DAB2IP: variants seen among roughly 807,000 people sequenced by gnomAD.
The protein encoded by DAB2IP is disabled homolog 2-interacting protein.
In DAB2IP, 28 loss-of-function variants were observed where a neutral mutation model predicts 107.2. The ratio of observed to expected loss-of-function variants is 0.26; its 90% CI spans 0.19 to 0.36. The LOEUF (loss-of-function observed/expected upper bound fraction) is 0.36, where lower values mean the gene tolerates loss of function less well. Ranked by LOEUF, DAB2IP falls within the 10% of genes least tolerant of loss-of-function variation. The pLI, the probability that DAB2IP is intolerant of heterozygous loss-of-function variation, is 1.00. For missense variants in DAB2IP, 1,400 were observed against 1,644.7 expected, an observed-to-expected ratio of 0.85 and a Z score of 2.57; for synonymous variants, 755 against 706.4, an observed-to-expected ratio of 1.07 and a Z score of -1.09.
chr9:121,782,385 AC>A lies in DAB2IP; in HGVS notation c.3460del (p.Gln1154SerfsTer2). The A allele has an allele frequency of 6.2e-7, 1 of 1,613,850 alleles. No homozygotes were observed. The highest frequency in any genetic ancestry group is 8.5e-7 in the Non-Finnish European group (1 of 1,179,922). The stretch of plus-strand genomic sequence containing the variant: ...CAATGCCCGCCTCATGAGTGCCCTG[AC>A]CCAGCTGAAAGAGAGGTACAGCATG... On this transcript the variant is annotated frameshift_variant, in exon 16 of 16. Coordinates refer to ENST00000408936, the Ensembl canonical transcript of DAB2IP. LOFTEE classifies it high-confidence loss of function. The surrounding 1 kb of genome is among the most constrained non-coding windows in gnomAD (Gnocchi z 6.1).
At chr9:121,642,017 C>CTT (rs1832349064) in intron 1 of DAB2IP, among the ~76,000 whole-genome samples, 2 of 15,194 alleles carry the variant, frequency 1.3e-4, no homozygotes, top group African/African-American at 2.8e-4. Context: ...CTCTCTCTCT[C>CTT]TCTCTCTCTC....
exon 11 of DAB2IP, chr9:121,770,664 C>G: frequency 6.2e-7 from 1 of 1,614,196 alleles, no homozygotes; most frequent in Non-Finnish European, 8.5e-7. Context: ...ACACCGGGCT[C>G]TGGCAGCAGC....
intron 3 of DAB2IP, among the ~76,000 whole-genome samples, chr9:121,700,891 G>A (rs1399516105): frequency 6.6e-6 from 1 of 152,192 alleles, no homozygotes; most frequent in Non-Finnish European, 1.5e-5. Context: ...TGCCCTGGCA[G>A]GAAGATGCAG....
In DAB2IP at chr9:121,699,498, C is replaced by T. The variant is rs939138801; in HGVS notation, c.362+40C>T. The T allele has an allele frequency of 1.6e-6, 2 of 1,241,120 alleles. No homozygotes were observed. The highest frequency in any genetic ancestry group is 1.0e-6 in the Non-Finnish European group (1 of 989,964). The allele number at this position is 1,241,120 out of a possible 1,614,324, so 76.9% of individuals were successfully genotyped here. ...GCCGCCCGGTCCCCCGCGCCGCCGC[C>T]CCGGGCTGCGCCCCTGAGGACGCGG... On this transcript the variant is annotated intron_variant, in intron 3 of 15. Coordinates refer to ENST00000408936, the Ensembl canonical transcript of DAB2IP. The surrounding 1 kb of genome is among the most constrained non-coding windows in gnomAD (Gnocchi z 6.2).
chr9:121,647,656 G>C (rs1428809788), upstream of DAB2IP, among the ~76,000 whole-genome samples: 1 of 152,096 alleles, frequency 6.6e-6, no homozygotes, highest in Non-Finnish European at 1.5e-5. Flanking sequence ...CTGACTAGTG[G>C]GGTATACCAG....
rs200997326 is a variant in DAB2IP at position 121,760,066 on chromosome 9, C to T, written c.797C>T (p.Pro266Leu). Residue 266 changes from proline (P) to leucine (L), a missense_variant, in exon 6 of 16, where the codon CCG becomes CTG. Pro to Leu is a moderately conservative substitution (Grantham distance 98). Transcript: ENST00000408936. This position sits in a 1 kb window ranked among gnomAD's most constrained non-coding sequence, Gnocchi z 5.9. Reference sequence around the variant, plus strand: ...GAGCACTTCGAGTTCCACAACTTGCCGCCTCTGCGCACGGTCACTGTCCAC... The same window carrying T: ...GAGCACTTCGAGTTCCACAACTTGCTGCCTCTGCGCACGGTCACTGTCCAC... The T allele has an allele frequency of 7.2e-5, 117 of 1,614,030 alleles. No homozygotes were observed. The highest frequency in any genetic ancestry group is 5.0e-4 in the Admixed American group (30 of 60,018).
chr9:121,708,756 A>G (rs980258909), intron 3 of DAB2IP, among the ~76,000 whole-genome samples: 1 of 152,360 alleles, frequency 6.6e-6, no homozygotes, highest in East Asian at 1.9e-4. Context: ...CGCCAAGTCA[A>G]ATTCCACAGG....
intron 3 of DAB2IP, among the ~76,000 whole-genome samples, chr9:121,703,939 C>T (rs1829922074): frequency 6.6e-6 from 1 of 152,154 alleles, no homozygotes. Context: ...GCCATTATTA[C>T]CTAGAGCACA....
At chr9:121,767,548 A>G (rs1834378056) in intron 9 of DAB2IP, among the ~76,000 whole-genome samples, 1 of 152,230 alleles carries the variant, frequency 6.6e-6, no homozygotes, top group Admixed American at 6.5e-5. Flanking sequence ...AGGGAGGGCC[A>G]TGCACTGTGC....
chr9:121,692,970 C>T (rs987159908), intron 2 of DAB2IP, among the ~76,000 whole-genome samples: 2 of 152,216 alleles, frequency 1.3e-5, no homozygotes, highest in Non-Finnish European at 2.9e-5. Context: ...GGCCCAGGCA[C>T]CCTGGCCCTG....
intron 1 of DAB2IP, among the ~76,000 whole-genome samples, chr9:121,595,274 CT>C (rs767525591): frequency 6.6e-6 from 1 of 151,322 alleles, no homozygotes; most frequent in Non-Finnish European, 1.5e-5. Context: ...AAAACAAACA[CT>C]GTGTGTCTCC....
exon 7 of DAB2IP, chr9:121,763,555 C>G: frequency 6.2e-7 from 1 of 1,613,932 alleles, no homozygotes; most frequent in Non-Finnish European, 8.5e-7. Flanking sequence ...GCGGGGACAA[C>G]GAGCACCTCA....
chr9:121,627,508 C>A (rs1190613533), intron 1 of DAB2IP, among the ~76,000 whole-genome samples: 1 of 151,906 alleles, frequency 6.6e-6, no homozygotes, highest in Non-Finnish European at 1.5e-5. Context: ...TTAAAATGGA[C>A]GTTTATGGAT....
intron 1 of DAB2IP, among the ~76,000 whole-genome samples, chr9:121,637,082 C>G (rs1408479166): frequency 6.6e-6 from 1 of 152,206 alleles, no homozygotes; most frequent in African/African-American, 2.4e-5. Context: ...AGCCTCCAGC[C>G]CCTTCTCATC....
At chr9:121,735,699 T>G (rs1831849763) in intron 3 of DAB2IP, among the ~76,000 whole-genome samples, 1 of 152,132 alleles carries the variant, frequency 6.6e-6, no homozygotes, top group African/African-American at 2.4e-5. Flanking sequence ...GAAGGAGGTG[T>G]GACGGTATGA....
chr9:121,650,845 G>A (rs1832715528), upstream of DAB2IP, among the ~76,000 whole-genome samples: 1 of 152,160 alleles, frequency 6.6e-6, no homozygotes, highest in Admixed American at 6.5e-5. Flanking sequence ...GTGAGAATTA[G>A]GGGGAGCAGA....
Position 121,760,300 on chromosome 9 carries a change from T to G in DAB2IP, c.1031T>G (p.Met344Arg), listed in dbSNP as rs1833797301. The G allele has an allele frequency of 1.2e-6, 2 of 1,613,742 alleles. No homozygotes were observed. Among genetic ancestry groups the G allele is most frequent in the African/African-American group, 1.3e-5 (1 of 74,900 alleles). ...ACCATCACCATCCTGCCCATGGAGATGTACAAAGAGTTCGCTGAGCACATC... is the reference window on the plus strand; with the variant it reads ...ACCATCACCATCCTGCCCATGGAGAGGTACAAAGAGTTCGCTGAGCACATC... Residue 344 changes from methionine (M) to arginine (R), a missense_variant, in exon 6 of 16, where the codon ATG (methionine) becomes AGG (arginine). By Grantham distance (91) the Met-to-Arg change is moderately conservative. Around this residue, in one of 3 missense-constraint regions of DAB2IP, gnomAD observed 517 missense variants for 748.6 expected, o/e 0.69. Transcript: ENST00000408936. This position sits in a 1 kb window ranked among gnomAD's most constrained non-coding sequence, Gnocchi z 5.9.
intron 3 of DAB2IP, among the ~76,000 whole-genome samples, chr9:121,711,511 G>A (rs1270974762): frequency 6.6e-6 from 1 of 152,208 alleles, no homozygotes; most frequent in Non-Finnish European, 1.5e-5. Context: ...CCAACCCCAG[G>A]AGCAGCTGTT....
In DAB2IP at chr9:121,772,622, C is replaced by CCGGTTACCGTCTCCAA. The variant is rs1220568855; in HGVS notation, c.2096_2111dup (p.Pro705ValfsTer37). On this transcript the variant is annotated frameshift_variant, in exon 12 of 16. Transcript: ENST00000408936. LOFTEE classifies it high-confidence loss of function. The surrounding 1 kb of genome is among the most constrained non-coding windows in gnomAD (Gnocchi z 4.7). ...CTCCCTGCAGTCTGATAGATTTCAC[C>CCGGTTACCGTCTCCAA]CGGTTACCGTCTCCAACCCCCGAAA... is the stretch of plus-strand genomic sequence containing the variant. 1 of 1,612,994 alleles carries CCGGTTACCGTCTCCAA rather than the reference C, an allele frequency of 6.2e-7. No homozygotes were observed. The highest frequency in any genetic ancestry group is 1.7e-5 in the Admixed American group (1 of 59,928).
Sources: allele counts gnomAD v4.1 joint callset (sites outside exome capture counted in the v4.1 genomes callset), GRCh38; gene constraint gnomAD v4.1.1; regional missense constraint gnomAD v4.1.1; non-coding constraint Gnocchi (gnomAD v3.1); transcripts MANE v1.5; gene names NCBI Gene and HGNC (gene_info 2026-07-23, HGNC 2026-07-21).